FBXO47: variants seen among roughly 807,000 people sequenced by gnomAD.
FBXO47 encodes the protein F-box only protein 47.
Under a neutral mutation model 53.9 loss-of-function variants are expected in FBXO47, and 34 were observed. That is an observed-to-expected ratio of 0.63 (90% confidence interval 0.48 to 0.84). The LOEUF is 0.84. Among genes scored for constraint, FBXO47 ranks in the 40% least tolerant of loss-of-function variants. The pLI is 0.00. For synonymous variants in FBXO47, 165 were observed against 181.6 expected, an observed-to-expected ratio of 0.91 and a Z score of 0.73; for missense variants, 485 against 541.3, an observed-to-expected ratio of 0.90 and a Z score of 1.03.
At chr17:38,953,574 G>A (rs1323172690) in intron 5 of FBXO47, among the ~76,000 whole-genome samples, 6 of 152,230 alleles carry the variant, frequency 3.9e-5, no homozygotes, top group Admixed American at 3.3e-4. Flanking sequence ...GCAGTGAGCC[G>A]AGAGTGTGCC....
Position 38,946,789 on chromosome 17 carries a change from AAT to A in FBXO47, c.617-1655_617-1654del, listed in dbSNP as rs1378048207. 5.4e-4 allele frequency among the ~76,000 whole-genome samples: 51 copies of A among 94,422 alleles called. 4 individuals carry two copies. The East Asian group carries it at 0.015, about 28-fold the overall frequency. The allele number at this position is 94,422 out of a possible 152,430, so 61.9% of individuals were successfully genotyped here. A position where few individuals can be genotyped will look rare whatever the true frequency, so the allele number is the denominator to read the frequency against. On this transcript the variant is annotated intron_variant, in intron 6 of 10. Transcript: ENST00000378079. ...ATATAAAAATATATATAAACATATA[AAT>A]ATATATAGATATATAAACATATATA...
At chr17:38,956,135 CA>C (rs765171777) in intron 4 of FBXO47, among the ~76,000 whole-genome samples, 4,535 of 115,762 alleles carry the variant, frequency 0.039, 169 homozygotes, top group East Asian at 0.12. Context: ...GACTCCATCT[CA>C]AAAAAAAAAA....
intron 6 of FBXO47, among the ~76,000 whole-genome samples, chr17:38,945,592 A>T (rs1221679389): frequency 6.6e-6 from 1 of 151,956 alleles, no homozygotes; most frequent in Non-Finnish European, 1.5e-5. Flanking sequence ...TGAGGTCAGG[A>T]GTTCAAGACC....
chr17:38,942,945 T>C (rs1417850206), intron 8 of FBXO47, 25 bp from the exon 9 acceptor site: 7 of 1,583,352 alleles, frequency 4.4e-6, no homozygotes, highest in Non-Finnish European at 6.0e-6. Flanking sequence ...AGAACAATTA[T>C]TTAATGAGAA....
chr17:38,960,528 G>A (rs1206661929), intron 3 of FBXO47, among the ~76,000 whole-genome samples: 1 of 151,936 alleles, frequency 6.6e-6, no homozygotes, highest in Non-Finnish European at 1.5e-5. Flanking sequence ...CTTGATCAGG[G>A]AGAAAAATTT....
At chr17:38,939,323 A>ATATATAT (rs761104470) in intron 9 of FBXO47, among the ~76,000 whole-genome samples, 2 of 50,174 alleles carry the variant, frequency 4.0e-5, no homozygotes, top group African/African-American at 1.5e-4. Flanking sequence ...AAAAAAAAAA[A>ATATATAT]ATATATATAT....
At chr17:38,962,316 T>G (rs1905851790) in intron 2 of FBXO47, among the ~76,000 whole-genome samples, 1 of 152,134 alleles carries the variant, frequency 6.6e-6, no homozygotes, top group African/African-American at 2.4e-5. Context: ...AAAGGAAGAT[T>G]TAAAAAAATT....
rs752188695 is a variant in FBXO47, at chr17:38,962,961, C to T, written c.65G>A (p.Arg22His). The T allele has an allele frequency of 1.2e-5, 20 of 1,612,552 alleles. No homozygotes were observed. The African/African-American group carries it at 1.5e-4, about 12-fold the overall frequency. Residue 22 changes from arginine (R) to histidine (H), a missense_variant, in exon 2 of 11, where the codon CGT becomes CAT. Transcript: ENST00000378079. ...IPNQKLRRSN[R>H]QTSCYSKTLG... ...GGTCTTGGAATAACAGCTGGTTTGA[C>T]GATTACTACGTCTAAGTTTCTGGTT...
At position 38,943,731 on chromosome 17, in the gene FBXO47, C is replaced by A. The variant is rs1567714993; in HGVS notation, c.799G>T (p.Val267Leu). 1 of 1,605,302 alleles carries A rather than the reference C, an allele frequency of 6.2e-7. No individual in the cohort carries two copies. The highest frequency in any genetic ancestry group is 8.5e-7 in the Non-Finnish European group (1 of 1,177,580). ...TCTTCTATCATTTCCTGCCAAACCA[C>A]CTGTCCTGAATTGAAACAAAAACGA... ...FGPISPQDGQVVWQEMIEEPT... is the reference protein window; with the variant it reads ...FGPISPQDGQLVWQEMIEEPT... Residue 267 changes from valine (V) to leucine (L), a missense_variant, in exon 8 of 11, where the codon GTG (valine) becomes TTG (leucine). Physicochemically the swap from Val to Leu is conservative, Grantham distance 32. Transcript: ENST00000378079.
chr17:38,939,369 T>C (rs1904400408), intron 9 of FBXO47, among the ~76,000 whole-genome samples: 1 of 111,856 alleles, frequency 8.9e-6, no homozygotes, highest in Non-Finnish European at 1.8e-5. Context: ...TTACTGAACA[T>C]AGAAAAAAAA....
Position 38,944,089 on chromosome 17 carries a change from C to T in FBXO47, c.794-353G>A, listed in dbSNP as rs143843284. 7.6e-3 allele frequency among the ~76,000 whole-genome samples: 1,142 copies of T among 150,974 alleles called. 9 individuals are homozygous for T. The highest frequency in any genetic ancestry group is 0.014 in the Middle Eastern group (4 of 290). ...CCCAGCTACTCAGGAGGCTGAGGCA[C>T]GAGAATCGCTTGAACCTGGGAGGCG... On this transcript the variant is annotated intron_variant, in intron 7 of 10. Transcript: ENST00000378079.
At position 38,962,825 on chromosome 17, in the gene FBXO47, C is replaced by T. The variant is rs1905877767; in HGVS notation, c.181+20G>A. ...ACTCTAGTGTCTTGTGTAGGCTATT[C>T]ATAAGTTCCCAAACCTCACCTGACA... On this transcript the variant is annotated intron_variant, in intron 2 of 10. Transcript: ENST00000378079. 1 of 1,579,134 alleles carries T rather than the reference C, an allele frequency of 6.3e-7. No homozygotes were observed. Among genetic ancestry groups the T allele is most frequent in the African/African-American group, 1.4e-5 (1 of 73,834 alleles).
At chr17:38,960,337 A>C (rs953567056) in intron 3 of FBXO47, among the ~76,000 whole-genome samples, 3 of 152,128 alleles carry the variant, frequency 2.0e-5, no homozygotes, top group Non-Finnish European at 4.4e-5. Flanking sequence ...TAAGTATATC[A>C]AACATTTACT....
intron 6 of FBXO47, among the ~76,000 whole-genome samples, chr17:38,946,339 T>TAAATATATAG: frequency 1.4e-5 from 1 of 71,064 alleles, no homozygotes; most frequent in African/African-American, 6.7e-5. Context: ...TATAAATATA[T>TAAATATATAG]ATAAATATAT....
At position 38,963,006 on chromosome 17, in the gene FBXO47, G is replaced by A; in HGVS notation, c.20C>T (p.Thr7Ile). The change falls in exon 2 of 11, where the codon ACA (threonine) becomes ATA (isoleucine). Residue 7 changes from threonine (T) to isoleucine (I), a missense_variant. Physicochemically the swap from Thr to Ile is moderately conservative, Grantham distance 89. Transcript: ENST00000378079. ...CTGGTTGGGAATCAAAGTGAAATTT[G>A]TATTTATTCTGGATGCCATTCTTCT... MASRIN[T>I]NFTLIPNQKL... 6.2e-7 allele frequency: 1 copy of A among 1,611,756 alleles called. No individual in the cohort carries two copies. Among genetic ancestry groups the A allele is most frequent in the Non-Finnish European group, 8.5e-7 (1 of 1,178,460 alleles).
chr17:38,965,275 C>G (rs978000889), intron 1 of FBXO47, among the ~76,000 whole-genome samples: 3 of 152,174 alleles, frequency 2.0e-5, no homozygotes, highest in East Asian at 3.8e-4. Context: ...CAACTCCAAT[C>G]GAAGGCTCCT....
Position 38,962,608 on chromosome 17 carries a change from A to AAATAATAATAATAATAATAAT in FBXO47, c.181+216_181+236dup, listed in dbSNP as rs58127654. ...GCAACAAGAGCAAAACTCCATCTCA[A>AAATAATAATAATAATAATAAT]AATAATAATAATAATAATAATAATA... On this transcript the variant is annotated intron_variant, in intron 2 of 10. Transcript: ENST00000378079. Among the ~76,000 whole-genome samples, 4 of 146,302 alleles carry AAATAATAATAATAATAATAAT rather than the reference A, an allele frequency of 2.7e-5. No homozygotes were observed. In the East Asian group the frequency reaches 7.9e-4, roughly 29 times the overall value.
intron 9 of FBXO47, 32 bp downstream of exon 9, chr17:38,942,746 A>G: frequency 1.3e-6 from 2 of 1,589,656 alleles, no homozygotes; most frequent in Non-Finnish European, 1.7e-6. Context: ...AGTGTTAAAA[A>G]ACTTGCTAGA....
intron 3 of FBXO47, among the ~76,000 whole-genome samples, chr17:38,958,487 T>A (rs1905665220): frequency 6.7e-6 from 1 of 148,278 alleles, no homozygotes; most frequent in Non-Finnish European, 1.5e-5. Context: ...AAAAAAAAAC[T>A]CCTCAATTTC....
Sources: gnomAD v4.1 joint callset for allele counts (sites outside exome capture counted in the v4.1 genomes callset) on GRCh38, gnomAD v4.1.1 for gene constraint, MANE v1.5 for transcripts, NCBI Gene and HGNC (gene_info 2026-07-23, HGNC 2026-07-21) for gene names.